The following SPATA9 variants were observed in gnomAD, a reference collection of about 807,000 sequenced individuals.
The protein encoded by SPATA9 is spermatogenesis associated 9.
In SPATA9, 27 loss-of-function variants were observed where a neutral mutation model predicts 25.5. That is an observed-to-expected ratio of 1.06 (90% CI 0.78 to 1.46). The LOEUF is 1.46. Ranked by LOEUF, SPATA9 falls within the 40% of genes most tolerant of loss-of-function variation. SPATA9 has a pLI of 0.00. For synonymous variants in SPATA9, 102 were observed against 105.7 expected (o/e 0.97, Z 0.21); for missense variants, 282 against 297.5 (o/e 0.95, Z 0.38).
chr5:95,729,914 A>G, the SPATA9 span, among the ~76,000 whole-genome samples: 1 of 152,074 alleles, frequency 6.6e-6, no homozygotes, highest in Non-Finnish European at 1.5e-5. Context: ...CCATTCATCC[A>G]TTCTAGTGTC....
At chr5:95,695,514 C>T (rs1220917397) in intron 1 of SPATA9, among the ~76,000 whole-genome samples, 6 of 152,138 alleles carry the variant, frequency 3.9e-5, no homozygotes, top group African/African-American at 1.2e-4. Flanking sequence ...AGGAGAATCG[C>T]TTGGACCCAG....
chr5:95,714,574 G>A, the SPATA9 span, among the ~76,000 whole-genome samples: 1 of 152,184 alleles, frequency 6.6e-6, no homozygotes, highest in South Asian at 2.1e-4. Flanking sequence ...TGAAACAGCA[G>A]TGTGACCGGA....
At chr5:95,708,703 G>A in the SPATA9 span, 20 of 691,616 alleles carry the variant, frequency 2.9e-5, no homozygotes, top group South Asian at 3.0e-4. Context: ...GACACTTTCT[G>A]CTCCTATGAC....
intron 2 of SPATA9, among the ~76,000 whole-genome samples, chr5:95,678,393 T>C (rs2112663013): frequency 6.6e-6 from 1 of 152,044 alleles, no homozygotes; most frequent in Admixed American, 6.5e-5. Context: ...ATAAGTAAAA[T>C]AAAATAAAAG....
chr5:95,654,410 A>G, downstream of SPATA9: 1 of 1,267,438 alleles, frequency 7.9e-7, no homozygotes, highest in South Asian at 1.3e-5. Flanking sequence ...CAGCAAATAA[A>G]TATATTCAAA....
rs149576909 is a variant in SPATA9 at position 95,681,992 on chromosome 5, A to C, written c.150+536T>G. Among the ~76,000 whole-genome samples the C allele has an allele frequency of 8.8e-4, 134 of 152,218 alleles. 1 individual carries two copies. The Middle Eastern group carries it at 0.01, about 12-fold the overall frequency. On this transcript the variant is annotated intron_variant, in intron 2 of 4. Transcript: ENST00000274432. ...CAAGTTGTTACTTTTTCCTGACTTT[A>C]TGTCTCTTCAAAATATATACCTCCC...
chr5:95,677,009 C>T (rs1753000714), intron 2 of SPATA9, among the ~76,000 whole-genome samples: 1 of 152,126 alleles, frequency 6.6e-6, no homozygotes, highest in African/African-American at 2.4e-5. Context: ...CATTTGATTC[C>T]TCAAGCATCC....
At chr5:95,722,760 G>A in the SPATA9 span, among the ~76,000 whole-genome samples, 1 of 152,328 alleles carries the variant, frequency 6.6e-6, no homozygotes, top group East Asian at 1.9e-4. Flanking sequence ...TGGGATTATA[G>A]GCGTGAGCCA....
intron 3 of SPATA9, among the ~76,000 whole-genome samples, chr5:95,664,757 G>A (rs955172442): frequency 1.3e-5 from 2 of 152,192 alleles, no homozygotes; most frequent in African/African-American, 4.8e-5. Flanking sequence ...CCATTCAGCA[G>A]TGAAGTGACA....
the SPATA9 span, chr5:95,708,599 G>A: frequency 1.7e-5 from 12 of 696,314 alleles, no homozygotes; most frequent in East Asian, 2.7e-4. Flanking sequence ...CCAGGACAGA[G>A]GTAAAAGTCA....
upstream of SPATA9, among the ~76,000 whole-genome samples, chr5:95,703,226 A>G (rs1754218623): frequency 1.3e-5 from 2 of 152,202 alleles, no homozygotes; most frequent in African/African-American, 4.8e-5. Flanking sequence ...GATGATCACA[A>G]AGTATTTCTC....
chr5:95,716,338 C>T, the SPATA9 span, among the ~76,000 whole-genome samples: 1 of 152,228 alleles, frequency 6.6e-6, no homozygotes, highest in African/African-American at 2.4e-5. Flanking sequence ...CATGGGAGCC[C>T]ACCTCTTGCA....
chr5:95,694,101 A>T (rs996529667), intron 1 of SPATA9, among the ~76,000 whole-genome samples: 1 of 152,152 alleles, frequency 6.6e-6, no homozygotes, highest in East Asian at 1.9e-4. Flanking sequence ...TCAAGGCTGC[A>T]GTGACCCATG....
downstream of SPATA9, chr5:95,655,974 C>A: frequency 7.2e-7 from 1 of 1,387,294 alleles, no homozygotes; most frequent in Non-Finnish European, 9.9e-7. Context: ...GGTTCTTCTG[C>A]AGCAGACTCT....
chr5:95,731,441 C>G, the SPATA9 span: 1 of 1,204,730 alleles, frequency 8.3e-7, no homozygotes, highest in Non-Finnish European at 1.0e-6. Context: ...GCGATGTTCC[C>G]GGGCACTCCC....
chr5:95,719,635 T>C, the SPATA9 span: 1 of 152,250 alleles, frequency 6.6e-6, no homozygotes, highest in Non-Finnish European at 1.5e-5. Context: ...CATGCAATTA[T>C]TTGCATACCT....
At chr5:95,709,976 A>ATGTACATGCACAGTAGCAAAGG in the SPATA9 span, among the ~76,000 whole-genome samples, 1 of 152,162 alleles carries the variant, frequency 6.6e-6, no homozygotes, top group Non-Finnish European at 1.5e-5. Flanking sequence ...AGATGGCTCC[A>ATGTACATGCACAGTAGCAAAGG]TGTACATGCA....
chr5:95,698,241 A>T (rs909000568), intron 1 of SPATA9, among the ~76,000 whole-genome samples: 1 of 152,154 alleles, frequency 6.6e-6, no homozygotes, highest in Admixed American at 6.5e-5. Context: ...GGCAGAGAGG[A>T]GGAAACGTGG....
chr5:95,672,140 A>T, intron 3 of SPATA9, among the ~76,000 whole-genome samples: 1 of 152,108 alleles, frequency 6.6e-6, no homozygotes, highest in Non-Finnish European at 1.5e-5. Context: ...TAATACAGAG[A>T]CTGGATATGA....
Sources: allele counts gnomAD v4.1 joint callset (sites outside exome capture counted in the v4.1 genomes callset), GRCh38; gene constraint gnomAD v4.1.1; transcripts MANE v1.5; gene names NCBI Gene and HGNC (gene_info 2026-07-23, HGNC 2026-07-21).